The following GNPDA2 variants were observed in gnomAD, a reference collection of about 807,000 sequenced individuals.
GNPDA2 encodes glcN6P deaminase 2.
In GNPDA2, 24 loss-of-function variants were observed where a neutral mutation model predicts 27.0. That is an observed-to-expected ratio of 0.89 (90% CI 0.64 to 1.25). The LOEUF is 1.25. Among genes scored for constraint, GNPDA2 ranks in the 50% most tolerant of loss-of-function variants. The pLI is 0.00. For missense variants in GNPDA2, 286 were observed against 335.1 expected (o/e 0.85, Z 1.14); for synonymous variants, 94 against 108.4 (o/e 0.87, Z 0.83).
chr4:44,711,523 T>C (rs1393051099), intron 4 of GNPDA2, among the ~76,000 whole-genome samples: 1 of 152,144 alleles, frequency 6.6e-6, no homozygotes, highest in Non-Finnish European at 1.5e-5. Flanking sequence ...GAAATTTTGA[T>C]GCTCAAGAAA....
At chr4:44,724,556 AG>A (rs1239470322) in intron 1 of GNPDA2, among the ~76,000 whole-genome samples, 1 of 138,428 alleles carries the variant, frequency 7.2e-6, no homozygotes, top group African/African-American at 2.5e-5. Context: ...CATAATTCTT[AG>A]ATTTTTAATT....
chr4:44,722,007 TAAAAG>T (rs1717701436), intron 2 of GNPDA2, 72 bp downstream of exon 2: 1 of 1,157,410 alleles, frequency 8.6e-7, no homozygotes, highest in Admixed American at 2.0e-5. Context: ...GAAAGTATCT[TAAAAG>T]AAACCCTTCA....
In GNPDA2 at chr4:44,703,125, T is replaced by G; in HGVS notation, c.787A>C (p.Asn263His). Reference sequence around the variant, plus strand: ...CTGAATAGTGGATCCACAAGTTTATTGTGCACATGCATTAGACCTTAAAGA... The same window carrying G: ...CTGAATAGTGGATCCACAAGTTTATGGTGCACATGCATTAGACCTTAAAGA... The part of the protein sequence containing the change: ...KYFKGLMHVH[N>H]KLVDPLFSMK... The change falls in exon 7 of 7, where the codon AAT (asparagine) becomes CAT (histidine). Residue 263 changes from asparagine to histidine, a missense_variant. By Grantham distance (68) the Asn-to-His change is moderately conservative (BLOSUM62 1). Coordinates refer to ENST00000295448, the MANE Select transcript of GNPDA2 (RefSeq NM_138335.3). 6.2e-7 allele frequency: 1 copy of G among 1,611,688 alleles called. No individual in the cohort carries two copies. The highest frequency in any genetic ancestry group is 8.5e-7 in the Non-Finnish European group (1 of 1,178,972).
intron 6 of GNPDA2, chr4:44,705,777 A>G (rs1048813608): frequency 7.9e-5 from 12 of 151,900 alleles, no homozygotes; most frequent in African/African-American, 2.4e-4. Flanking sequence ...CTCTGCCCAA[A>G]TATGTGCTGT....
In GNPDA2 at chr4:44,702,371, A is replaced by AG; in HGVS notation, c.*709dup. On this transcript the variant is annotated 3_prime_UTR_variant, in exon 7 of 7. Transcript: ENST00000295448. The stretch of plus-strand genomic sequence containing the variant: ...TCCTGAAGTGGCTTGCTAGGTATAA[A>AG]GCTCATAATTGTCAAGATACTTATA... 1 of 934,742 alleles carries AG rather than the reference A, an allele frequency of 1.1e-6. No individual in the cohort carries two copies. The highest frequency in any genetic ancestry group is 1.3e-6 in the Non-Finnish European group (1 of 783,626). The allele number at this position is 934,742 out of a possible 1,614,324, so 57.9% of individuals were successfully genotyped here. A position where few individuals can be genotyped will look rare whatever the true frequency, so the allele number is the denominator to read the frequency against.
chr4:44,704,299 A>T, intron 6 of GNPDA2: 1 of 982,274 alleles, frequency 1.0e-6, no homozygotes. Context: ...GATAAGGGTA[A>T]TATCAGCTGT....
At chr4:44,725,534 C>T (rs1034716700) in intron 1 of GNPDA2, among the ~76,000 whole-genome samples, 1 of 152,166 alleles carries the variant, frequency 6.6e-6, no homozygotes, top group Non-Finnish European at 1.5e-5. Context: ...CACCACACAT[C>T]TCACTGAAAC....
intron 1 of GNPDA2, among the ~76,000 whole-genome samples, chr4:44,724,383 C>T (rs949942092): frequency 2.6e-5 from 4 of 152,140 alleles, no homozygotes; most frequent in African/African-American, 9.7e-5. Flanking sequence ...TATTTTCCTT[C>T]GGGTAGATAC....
intron 4 of GNPDA2, among the ~76,000 whole-genome samples, chr4:44,713,393 T>C (rs1717089174): frequency 6.6e-6 from 1 of 152,108 alleles, no homozygotes; most frequent in East Asian, 1.9e-4. Flanking sequence ...AGATCTGAGG[T>C]TCTCTGTTTT....
At position 44,702,582 on chromosome 4, in the gene GNPDA2, G is replaced by C; in HGVS notation, c.*499C>G. The C allele has an allele frequency of 1.0e-6, 1 of 991,286 alleles. No homozygotes were observed. The highest frequency in any genetic ancestry group is 1.2e-6 in the Non-Finnish European group (1 of 833,946). The allele number at this position is 991,286 out of a possible 1,614,324, so 61.4% of individuals were successfully genotyped here. On this transcript the variant is annotated 3_prime_UTR_variant, in exon 7 of 7. Coordinates refer to ENST00000295448, the MANE Select transcript of GNPDA2 (RefSeq NM_138335.3). Reference sequence around the variant, plus strand: ...TATATAGCACAATTTTTGATGTCTAGATGGTGCTGTAGGAAGATGACTAAG... The same window carrying C: ...TATATAGCACAATTTTTGATGTCTACATGGTGCTGTAGGAAGATGACTAAG...
chr4:44,702,172 T>C lies in GNPDA2; in HGVS notation c.*909A>G, dbSNP rs1433536171. 1.1e-6 allele frequency: 1 copy of C among 894,180 alleles called. No homozygotes were observed. The highest frequency in any genetic ancestry group is 1.3e-6 in the Non-Finnish European group (1 of 751,592). The allele number at this position is 894,180 out of a possible 1,614,324, so 55.4% of individuals were successfully genotyped here. A position where few individuals can be genotyped will look rare whatever the true frequency, so the allele number is the denominator to read the frequency against. On this transcript the variant is annotated 3_prime_UTR_variant, in exon 7 of 7. Coordinates refer to ENST00000295448, the MANE Select transcript of GNPDA2 (RefSeq NM_138335.3). ...TAGATAACTTATTTATTACACGCTT[T>C]ATTTGAGTTAAAGATAAAAAACAAT...
At position 44,707,706 on chromosome 4, in the gene GNPDA2, A is replaced by C. The variant is rs75327110; in HGVS notation, c.769+46T>G. On this transcript the variant is annotated intron_variant, in intron 6 of 6. Coordinates refer to ENST00000295448, the MANE Select transcript of GNPDA2 (RefSeq NM_138335.3). ...ACAGTCACAGTAAGTTTTAATTGTC[A>C]CTCACAACAGATTATCTCAGTCGGC... is the stretch of plus-strand genomic sequence containing the variant. The C allele has an allele frequency of 5.9e-6, 9 of 1,536,430 alleles. No individual in the cohort carries two copies. The East Asian group carries it at 2.0e-4, about 35-fold the overall frequency.
At chr4:44,710,360 G>A (rs1377839930) in intron 5 of GNPDA2, among the ~76,000 whole-genome samples, 2 of 151,948 alleles carry the variant, frequency 1.3e-5, no homozygotes, top group East Asian at 1.9e-4. Context: ...ATATAACCAC[G>A]AACTGACTAC....
intron 6 of GNPDA2, chr4:44,707,327 A>G (rs992472103): frequency 2.6e-5 from 5 of 190,174 alleles, no homozygotes; most frequent in Non-Finnish European, 4.3e-5. Context: ...ATTAAATTAG[A>G]TAGTGGGAGA....
At chr4:44,717,087 G>C in intron 4 of GNPDA2, 26 bp downstream of exon 4, 1 of 1,519,762 alleles carries the variant, frequency 6.6e-7, no homozygotes, top group Non-Finnish European at 9.0e-7. Flanking sequence ...CTAACAAACA[G>C]TTAATGACAA....
At chr4:44,722,469 C>A (rs138650399) in intron 1 of GNPDA2, among the ~76,000 whole-genome samples, 1,694 of 152,194 alleles carry the variant, frequency 0.011, 34 homozygotes, top group South Asian at 0.061. Flanking sequence ...TGGGCTAGGT[C>A]ATTTAAGTAT....
At position 44,708,728 on chromosome 4, in the gene GNPDA2, A is replaced by C. The variant is rs1716773758; in HGVS notation, c.595-802T>G. On this transcript the variant is annotated intron_variant, in intron 5 of 6. Transcript: ENST00000295448. Reference sequence around the variant, plus strand: ...CACATATTTTTGTAATATAATCTTTAAACTTTTTTTCCTCATTACAATTGT... The same window carrying C: ...CACATATTTTTGTAATATAATCTTTCAACTTTTTTTCCTCATTACAATTGT... Among the ~76,000 whole-genome samples, 4 of 152,276 alleles carry C rather than the reference A, an allele frequency of 2.6e-5. No individual in the cohort carries two copies. The South Asian group carries it at 6.2e-4, about 24-fold the overall frequency.
rs1716353066 is a variant in GNPDA2 at position 44,702,738 on chromosome 4, T to C, written c.*343A>G. On this transcript the variant is annotated 3_prime_UTR_variant, in exon 7 of 7. Transcript: ENST00000295448. Reference sequence around the variant, plus strand: ...TGTCTTGTCATTAAAAAATGAAATATACGCCACTGGAGTCATATCACAAAT... The same window carrying C: ...TGTCTTGTCATTAAAAAATGAAATACACGCCACTGGAGTCATATCACAAAT... 2 of 1,080,908 alleles carry C rather than the reference T, an allele frequency of 1.9e-6. No individual in the cohort carries two copies. Among genetic ancestry groups the C allele is most frequent in the East Asian group, 8.4e-5 (1 of 11,966 alleles). The allele number at this position is 1,080,908 out of a possible 1,614,324, so 67.0% of individuals were successfully genotyped here.
At chr4:44,706,269 G>A (rs992188407) in intron 6 of GNPDA2, 4 of 150,652 alleles carry the variant, frequency 2.7e-5, no homozygotes, top group African/African-American at 7.3e-5. Context: ...TGGTAAATTA[G>A]TAATTTAAAT....
Sources: gnomAD v4.1 joint callset for allele counts (sites outside exome capture counted in the v4.1 genomes callset) on GRCh38, gnomAD v4.1.1 for gene constraint, MANE v1.5 for transcripts, NCBI Gene and HGNC (gene_info 2026-07-23, HGNC 2026-07-21) for gene names.